Variants in SSH2 observed in about 807,000 individuals in gnomAD.
SSH2 encodes the protein protein phosphatase Slingshot homolog 2.
In SSH2, 37 loss-of-function variants were observed where a neutral mutation model predicts 135.2. The observed-to-expected ratio is 0.27, with a 90% CI of 0.21 to 0.36. SSH2 has a LOEUF of 0.36. Ranked by LOEUF, SSH2 falls within the 10% of genes least tolerant of loss-of-function variation. SSH2 has a pLI of 1.00. For synonymous variants in SSH2, 628 were observed against 646.2 expected (o/e 0.97, Z 0.43); for missense variants, 1,408 against 1,765.3 (o/e 0.80, Z 3.63).
intron 3 of SSH2, among the ~76,000 whole-genome samples, chr17:29,709,825 C>T (rs1178985063): frequency 1.3e-5 from 2 of 152,164 alleles, no homozygotes; most frequent in Non-Finnish European, 2.9e-5. Context: ...TGAGATGAAT[C>T]CAGCTGGGCT....
At chr17:29,679,251 G>A (rs755729300) in intron 6 of SSH2, among the ~76,000 whole-genome samples, 1 of 152,044 alleles carries the variant, frequency 6.6e-6, no homozygotes, top group African/African-American at 2.4e-5. Flanking sequence ...TATCTAGAGC[G>A]GAAGCATGGT....
At chr17:29,796,504 G>C (rs570791712) in intron 2 of SSH2, among the ~76,000 whole-genome samples, 144 of 152,080 alleles carry the variant, frequency 9.5e-4, no homozygotes, top group African/African-American at 3.4e-3. Context: ...CCATGGCCTG[G>C]CTAATTTTTG....
At chr17:29,676,206 G>A (rs2037708818) in intron 8 of SSH2, 2 of 152,232 alleles carry the variant, frequency 1.3e-5, no homozygotes, top group Admixed American at 1.3e-4. Context: ...AGCACTTCGG[G>A]AGGCCAAGGC....
intron 2 of SSH2, among the ~76,000 whole-genome samples, chr17:29,812,564 G>A (rs1308971470): frequency 6.6e-6 from 1 of 152,162 alleles, no homozygotes; most frequent in Non-Finnish European, 1.5e-5. Context: ...GATTACAGGT[G>A]TCAGCCACTA....
intron 2 of SSH2, among the ~76,000 whole-genome samples, chr17:29,795,443 T>C (rs1451980475): frequency 2.6e-5 from 4 of 152,198 alleles, no homozygotes; most frequent in African/African-American, 9.7e-5. Flanking sequence ...GAAAGTGTCA[T>C]AGTGTATTAC....
At chr17:29,841,633 G>C (rs572610159) in intron 2 of SSH2, among the ~76,000 whole-genome samples, 1 of 152,324 alleles carries the variant, frequency 6.6e-6, no homozygotes, top group African/African-American at 2.4e-5. Context: ...GCTGCTCAAG[G>C]AATAGATGTT....
chr17:29,792,247 G>T (rs1351595472), intron 3 of SSH2, among the ~76,000 whole-genome samples: 1 of 152,014 alleles, frequency 6.6e-6, no homozygotes, highest in African/African-American at 2.4e-5. Flanking sequence ...GTGAATAAGA[G>T]AATGACTTCC....
chr17:29,786,404 A>G (rs1355440882), intron 3 of SSH2, among the ~76,000 whole-genome samples: 2 of 152,216 alleles, frequency 1.3e-5, no homozygotes, highest in East Asian at 1.9e-4. Context: ...AGGAACCAGC[A>G]GGAATTCTAG....
At chr17:29,709,015 T>TATATATAGAGAGAGAGAGAG (rs780981175) in intron 3 of SSH2, among the ~76,000 whole-genome samples, 30 of 81,584 alleles carry the variant, frequency 3.7e-4, no homozygotes, top group Non-Finnish European at 6.4e-4. Flanking sequence ...TATATATATA[T>TATATATAGAGAGAGAGAGAG]AGAGAGAGAG....
chr17:29,675,107 G>T (rs759823835), intron 8 of SSH2, among the ~76,000 whole-genome samples: 6 of 152,174 alleles, frequency 3.9e-5, no homozygotes, highest in African/African-American at 7.2e-5. Flanking sequence ...GTCAAAGGGG[G>T]TCATAAATTT....
intron 1 of SSH2, 54 bp from the exon 2 acceptor site, chr17:29,848,983 C>T (rs968582145): frequency 2.4e-5 from 30 of 1,253,936 alleles, no homozygotes; most frequent in South Asian, 3.9e-5. Flanking sequence ...CCCATAAGCA[C>T]GAGGGGAAAA....
intron 14 of SSH2, among the ~76,000 whole-genome samples, chr17:29,646,547 C>G (rs576801514): frequency 6.6e-6 from 1 of 151,972 alleles, no homozygotes; most frequent in East Asian, 1.9e-4. Context: ...TCGCCTAGGC[C>G]GGAGTGCAGT....
chr17:29,850,707 C>A (rs193065684), intron 1 of SSH2, among the ~76,000 whole-genome samples: 3 of 152,124 alleles, frequency 2.0e-5, no homozygotes, highest in Admixed American at 1.3e-4. Flanking sequence ...CATTGTTGCC[C>A]GAGCGTGGTG....
chr17:29,879,496 C>T (rs1252054123), intron 1 of SSH2, among the ~76,000 whole-genome samples: 2 of 151,888 alleles, frequency 1.3e-5, no homozygotes, highest in South Asian at 2.1e-4. Context: ...TATAGCCTCC[C>T]CCATTATCAA....
chr17:29,787,874 G>A (rs1598999786), intron 3 of SSH2: 1 of 152,058 alleles, frequency 6.6e-6, no homozygotes, highest in Admixed American at 6.6e-5. Flanking sequence ...TGGGACAGGT[G>A]TGTGACACCA....
rs569513520 is a variant in SSH2 at position 29,703,017 on chromosome 17, T to G, written c.234A>C (p.Leu78=). 223 of 1,613,928 alleles carry G rather than the reference T, an allele frequency of 1.4e-4. 1 individual carries two copies. The Middle Eastern group carries it at 2.6e-3, about 19-fold the overall frequency. The stretch of plus-strand genomic sequence containing the variant: ...GTGTGGATGAGCCATTTCCCCGTGG[T>G]AGAAAAAGGGCAGCACCTTTGACAG... ...FLTVKGAALF[L]PRGNGSSTPR... Residue 78 remains leucine (L), a synonymous_variant, in exon 4 of 16, where the codon CTA becomes CTC. Transcript: ENST00000540801.
chr17:29,633,154 T>G (rs770400295), intron 15 of SSH2, among the ~76,000 whole-genome samples: 2 of 152,182 alleles, frequency 1.3e-5, no homozygotes, highest in Admixed American at 1.3e-4. Flanking sequence ...CTTGTGTTAC[T>G]CTCTACTAAA....
chr17:29,735,237 T>C (rs1477575537), intron 3 of SSH2, among the ~76,000 whole-genome samples: 1 of 152,194 alleles, frequency 6.6e-6, no homozygotes, highest in Non-Finnish European at 1.5e-5. Flanking sequence ...TAAGAATTCA[T>C]AGCCTCCCCA....
intron 8 of SSH2, chr17:29,674,227 T>C (rs983848753): frequency 2.2e-6 from 1 of 451,754 alleles, no homozygotes; most frequent in African/African-American, 2.0e-5. Flanking sequence ...TCAGTCCATT[T>C]TTATTAGGAA....
Sources: allele counts gnomAD v4.1 joint callset (sites outside exome capture counted in the v4.1 genomes callset), GRCh38; gene constraint gnomAD v4.1.1; transcripts MANE v1.5; gene names NCBI Gene and HGNC (gene_info 2026-07-23, HGNC 2026-07-21).